Variants in SFXN5 observed in about 807,000 individuals in gnomAD.
The protein encoded by SFXN5 is sideroflexin-5.
A neutral mutation model predicts 50.2 loss-of-function variants in SFXN5; 43 were observed. That is an observed-to-expected ratio of 0.86 (90% CI 0.67 to 1.11). The LOEUF (loss-of-function observed/expected upper bound fraction) is 1.11, where lower values mean the gene tolerates loss of function less well. Among genes scored for constraint, SFXN5 ranks in the 50% least tolerant of loss-of-function variants. The pLI, the probability that SFXN5 is intolerant of heterozygous loss-of-function variation, is 0.00. For missense variants in SFXN5, 463 were observed against 454.1 expected, an observed-to-expected ratio of 1.02 and a Z score of -0.18; for synonymous variants, 203 against 185.8, an observed-to-expected ratio of 1.09 and a Z score of -0.75.
chr2:73,023,335 C>A, intron 3 of SFXN5, 121 bp from the exon 4 acceptor site: 1 of 991,436 alleles, frequency 1.0e-6, no homozygotes, highest in East Asian at 2.7e-5. Flanking sequence ...GAAAGAAGCT[C>A]GGGCTATCCT....
At chr2:72,974,056 A>T (rs1248778902) in intron 10 of SFXN5, among the ~76,000 whole-genome samples, 1 of 152,212 alleles carries the variant, frequency 6.6e-6, no homozygotes, top group Non-Finnish European at 1.5e-5. Context: ...AGCCATTGCC[A>T]CCCAACCCCA....
chr2:73,028,069 T>C (rs1037210026), intron 3 of SFXN5, among the ~76,000 whole-genome samples: 2 of 152,230 alleles, frequency 1.3e-5, no homozygotes, highest in Non-Finnish European at 2.9e-5. Context: ...AGTACCATGC[T>C]GTACAGGTTT....
At position 72,950,973 on chromosome 2, in the gene SFXN5, G is replaced by A. The variant is rs1010698242; in HGVS notation, c.946-5874C>T. Among the ~76,000 whole-genome samples, 13 of 152,184 alleles carry A rather than the reference G, an allele frequency of 8.5e-5. No individual in the cohort carries two copies. In the East Asian group the frequency reaches 2.5e-3, roughly 29 times the overall value. On this transcript the variant is annotated intron_variant, in intron 13 of 13. Transcript: ENST00000272433. The surrounding 1 kb of genome is among the most constrained non-coding windows in gnomAD (Gnocchi z 4.2). ...GCTCGGGGCGGGCTGGAATCCGTGG[G>A]CCCATCATCTCTTCCATCTGGTAGG...
At chr2:73,058,626 A>C (rs913248241) in intron 1 of SFXN5, 30 bp from the exon 2 acceptor site, 18 of 1,602,598 alleles carry the variant, frequency 1.1e-5, no homozygotes, top group East Asian at 2.2e-5. Context: ...AGAAGAGTGA[A>C]TGGATCAGCT....
chr2:73,042,029 T>G (rs1247641819), intron 2 of SFXN5, among the ~76,000 whole-genome samples: 2 of 152,180 alleles, frequency 1.3e-5, no homozygotes, highest in Non-Finnish European at 2.9e-5. Context: ...AGCACTTATA[T>G]ATTTTCAACA....
rs1670017970 is a variant in SFXN5, at chr2:72,971,692, A to G, written c.626-7T>C. On this transcript the variant is annotated splice_region_variant and splice_polypyrimidine_tract_variant and intron_variant, in intron 10 of 13. Transcript: ENST00000272433. ...TTGCAGATATTGGCACTGGCTGCAGAGAGAGGGGATGCAGAGAGCAGGATG... is the reference window on the plus strand; with the variant it reads ...TTGCAGATATTGGCACTGGCTGCAGGGAGAGGGGATGCAGAGAGCAGGATG... 1 of 1,606,788 alleles carries G rather than the reference A, an allele frequency of 6.2e-7. No homozygotes were observed. The highest frequency in any genetic ancestry group is 1.3e-5 in the African/African-American group (1 of 74,744).
At chr2:73,061,422 A>C (rs1362421591) in intron 1 of SFXN5, among the ~76,000 whole-genome samples, 2 of 152,200 alleles carry the variant, frequency 1.3e-5, no homozygotes, top group Non-Finnish European at 2.9e-5. Context: ...GGCAGCCATA[A>C]AACCTGGAAA....
At chr2:73,003,603 C>T (rs1237288216) in intron 6 of SFXN5, among the ~76,000 whole-genome samples, 1 of 152,220 alleles carries the variant, frequency 6.6e-6, no homozygotes, top group East Asian at 1.9e-4. Context: ...TCCACAGCCC[C>T]ATCTGCCAAG....
intron 2 of SFXN5, among the ~76,000 whole-genome samples, chr2:73,047,323 A>ATC (rs1559200366): frequency 8.0e-6 from 1 of 124,368 alleles, no homozygotes; most frequent in African/African-American, 2.7e-5. Context: ...GTGTATGTAT[A>ATC]TATATGTGTA....
At chr2:73,047,233 A>ATATATATAT (rs1385339817) in intron 2 of SFXN5, among the ~76,000 whole-genome samples, 1 of 28,028 alleles carries the variant, frequency 3.6e-5, no homozygotes, top group Non-Finnish European at 8.3e-5. Flanking sequence ...AAAAAAAAAA[A>ATATATATAT]AAAAAAAAAA....
intron 12 of SFXN5, among the ~76,000 whole-genome samples, chr2:72,963,562 G>A (rs946080657): frequency 2.6e-5 from 4 of 152,136 alleles, no homozygotes; most frequent in Admixed American, 6.5e-5. Flanking sequence ...AAATGGCAAG[G>A]AGGGAAGGGA....
intron 6 of SFXN5, among the ~76,000 whole-genome samples, chr2:73,004,968 T>C (rs1674433038): frequency 6.6e-6 from 1 of 152,214 alleles, no homozygotes; most frequent in African/African-American, 2.4e-5. Flanking sequence ...CCCGCTGCCC[T>C]TTCCAGAACA....
At chr2:73,036,730 G>A (rs1442592603) in intron 3 of SFXN5, among the ~76,000 whole-genome samples, 1 of 152,222 alleles carries the variant, frequency 6.6e-6, no homozygotes, top group African/African-American at 2.4e-5. Flanking sequence ...GAAACACATG[G>A]TCAGGAGGCC....
chr2:73,046,685 A>G (rs1352758516), intron 2 of SFXN5, among the ~76,000 whole-genome samples: 1 of 152,170 alleles, frequency 6.6e-6, no homozygotes, highest in Non-Finnish European at 1.5e-5. Flanking sequence ...TTGGAAATGA[A>G]TAGAATAAAA....
rs1326296435 is a variant in SFXN5 at position 72,973,984 on chromosome 2, T to C, written c.626-2299A>G. On this transcript the variant is annotated intron_variant, in intron 10 of 13. Transcript: ENST00000272433. This position sits in a 1 kb window ranked among gnomAD's most constrained non-coding sequence, Gnocchi z 5.5. Reference sequence around the variant, plus strand: ...TCCCAGAAAGGCAAAGTTACAGGAATGTGGTCCAGGAGACGAGCATCCTGC... The same window carrying C: ...TCCCAGAAAGGCAAAGTTACAGGAACGTGGTCCAGGAGACGAGCATCCTGC... Among the ~76,000 whole-genome samples, 2 of 152,154 alleles carry C rather than the reference T, an allele frequency of 1.3e-5. No homozygotes were observed. Among genetic ancestry groups the C allele is most frequent in the African/African-American group, 2.4e-5 (1 of 41,436 alleles).
chr2:72,951,954 C>T (rs1338719239), intron 13 of SFXN5, among the ~76,000 whole-genome samples: 1 of 152,210 alleles, frequency 6.6e-6, no homozygotes, highest in African/African-American at 2.4e-5. Flanking sequence ...GGGCAGGCCC[C>T]ATGTCCTGTT....
chr2:72,954,533 G>C (rs906759796), intron 13 of SFXN5, among the ~76,000 whole-genome samples: 1 of 152,142 alleles, frequency 6.6e-6, no homozygotes, highest in African/African-American at 2.4e-5. Context: ...AGCTGAGGCA[G>C]GGAAGAGACA....
In SFXN5 at chr2:73,023,105, G is replaced by A. The variant is rs561310612; in HGVS notation, c.276+83C>T. On this transcript the variant is annotated intron_variant, in intron 4 of 13. Transcript: ENST00000272433. Reference sequence around the variant, plus strand: ...GAGCCCGAAGAGCCACCGGAGGGGGGCTTCCACTAGATCCCTGGGACAGGG... The same window carrying A: ...GAGCCCGAAGAGCCACCGGAGGGGGACTTCCACTAGATCCCTGGGACAGGG... The A allele has an allele frequency of 6.4e-6, 9 of 1,413,384 alleles. No homozygotes were observed. In the African/African-American group the frequency reaches 8.6e-5, roughly 14 times the overall value. 87.6% of individuals were successfully genotyped at this position (1,413,384 alleles called of 1,614,324 possible). A position where few individuals can be genotyped will look rare whatever the true frequency, so the allele number is the denominator to read the frequency against.
chr2:73,020,301 C>T (rs1676704539), intron 5 of SFXN5, 37 bp from the exon 6 acceptor site: 1 of 1,611,758 alleles, frequency 6.2e-7, no homozygotes, highest in Non-Finnish European at 8.5e-7. Flanking sequence ...CCTTATAATC[C>T]ACTCACATCT....
Sources: allele counts gnomAD v4.1 joint callset (sites outside exome capture counted in the v4.1 genomes callset), GRCh38; gene constraint gnomAD v4.1.1; non-coding constraint Gnocchi (gnomAD v3.1); transcripts MANE v1.5; gene names NCBI Gene and HGNC (gene_info 2026-07-23, HGNC 2026-07-21).